Variants in SF3A1 observed in about 807,000 individuals in gnomAD.
The protein encoded by SF3A1 is SAP 114.
A neutral mutation model predicts 89.9 loss-of-function variants in SF3A1; 13 were observed. The observed-to-expected ratio is 0.14, with a 90% confidence interval of 0.09 to 0.23. The LOEUF (loss-of-function observed/expected upper bound fraction) is 0.23. SF3A1 is among the 10% of genes least tolerant of loss of function. The pLI, the probability that SF3A1 is intolerant of heterozygous loss-of-function variation, is 1.00. For missense variants in SF3A1, 604 were observed against 1,022.1 expected (o/e 0.59, Z 5.58); for synonymous variants, 405 against 374.4 (o/e 1.08, Z -0.94).
At position 30,345,224 on chromosome 22, in the gene SF3A1, C is replaced by A. The variant is rs772480228; in HGVS notation, c.394-34G>T. On this transcript the variant is annotated intron_variant, in intron 3 of 15. Transcript: ENST00000215793. ...CAAAGGGAGTATGAGGCGAGAGGCA[C>A]AGGGGTGAACAGGCTCCAGGGGAGG... 4.4e-6 allele frequency: 7 copies of A among 1,590,576 alleles called. No individual in the cohort carries two copies. The African/African-American group carries it at 8.1e-5, about 18-fold the overall frequency.
chr22:30,356,581 G>A, intron 1 of SF3A1, 149 bp downstream of exon 1: 1 of 584,120 alleles, frequency 1.7e-6, no homozygotes, highest in East Asian at 3.5e-5. Context: ...TTCGCTACCA[G>A]AACACCACCA....
chr22:30,341,847 C>G lies in SF3A1; in HGVS notation c.916G>C (p.Ala306Pro). The G allele has an allele frequency of 6.2e-7, 1 of 1,613,668 alleles. No homozygotes were observed. The highest frequency in any genetic ancestry group is 2.2e-5 in the East Asian group (1 of 44,874). The part of the protein sequence containing the change: ...PPPTTPEELG[A>P]RILIQERYEK... ...TAGCGCTCCTGAATGAGGATTCGGG[C>G]CCCCAGCTCCTCTGGCGTGGTGGGG... The change falls in exon 7 of 16, where the codon GCC (alanine) becomes CCC (proline). Residue 306 changes from alanine to proline, a missense_variant. Transcript: ENST00000215793.
chr22:30,352,701 C>G (rs1039395204), intron 2 of SF3A1: 2 of 369,106 alleles, frequency 5.4e-6, no homozygotes, highest in Middle Eastern at 1.6e-3. Flanking sequence ...CCAGGCATTT[C>G]CTCAGGCCAG....
At chr22:30,337,568 C>T in intron 12 of SF3A1, 122 bp downstream of exon 12, 2 of 715,212 alleles carry the variant, frequency 2.8e-6, no homozygotes, top group Non-Finnish European at 5.1e-6. Flanking sequence ...AGCCAGGGCT[C>T]TCCTCTGGGC....
chr22:30,348,008 A>AT (rs560386713), intron 2 of SF3A1, among the ~76,000 whole-genome samples: 16 of 150,500 alleles, frequency 1.1e-4, no homozygotes, highest in Admixed American at 2.6e-4. Flanking sequence ...TGCTCGGCTA[A>AT]TTTTTTTTTT....
chr22:30,353,053 G>A lies in SF3A1; in HGVS notation c.83C>T (p.Ser28Phe), dbSNP rs1401604111. 9 of 1,614,118 alleles carry A rather than the reference G, an allele frequency of 5.6e-6. No homozygotes were observed. Among genetic ancestry groups the A allele is most frequent in the Non-Finnish European group, 7.6e-6 (9 of 1,179,982 alleles). Residue 28 changes from serine to phenylalanine, a missense_variant, in exon 2 of 16, where the codon TCT becomes TTT. Around this residue, in one of 9 missense-constraint regions of SF3A1, gnomAD observed 55 missense variants for 43.8 expected, o/e 1.25. Coordinates refer to ENST00000215793, the MANE Select transcript of SF3A1 (RefSeq NM_005877.6). ...AGAAGGTGCAGAATCCTCCTTTGAA[G>A]ATGCTTCTTCTTCTGTGGGCTGTGC... ...EPKQPTEEEASSKEDSAPSKP... is the reference protein window; with the variant it reads ...EPKQPTEEEAFSKEDSAPSKP...
chr22:30,347,684 A>G (rs1931461146), intron 2 of SF3A1, among the ~76,000 whole-genome samples: 1 of 152,244 alleles, frequency 6.6e-6, no homozygotes, highest in Non-Finnish European at 1.5e-5. Context: ...CGGACCTTAA[A>G]GACACAAGAT....
In SF3A1 at chr22:30,345,260, G is replaced by C. The variant is rs1026650237; in HGVS notation, c.394-70C>G. On this transcript the variant is annotated intron_variant, in intron 3 of 15. Coordinates refer to ENST00000215793, the MANE Select transcript of SF3A1 (RefSeq NM_005877.6). ...AGGCTCCAGGGGAGGGGAGGGGAGG[G>C]GACATGGGCATGCACCCCTCAGCAG... 3.9e-5 allele frequency: 47 copies of C among 1,193,670 alleles called. 1 individual carries two copies. In the African/African-American group the frequency reaches 5.1e-4, roughly 13 times the overall value. The allele number at this position is 1,193,670 out of a possible 1,614,324, so 73.9% of individuals were successfully genotyped here.
chr22:30,346,631 C>G, intron 2 of SF3A1, 112 bp from the exon 3 acceptor site: 1 of 1,229,626 alleles, frequency 8.1e-7, no homozygotes, highest in Non-Finnish European at 1.2e-6. Context: ...TCAAACCAGC[C>G]CATCCCTCAG....
Position 30,342,746 on chromosome 22 carries a change from C to T in SF3A1, c.726+59G>A. On this transcript the variant is annotated intron_variant, in intron 5 of 15. Transcript: ENST00000215793. ...AAGGTCCTGCCTCAGAGACTGTTTT[C>T]AGACATAAAACAGAACCAACCACCA... The T allele has an allele frequency of 4.5e-6, 5 of 1,104,778 alleles. No homozygotes were observed. The South Asian group carries it at 6.2e-5, about 14-fold the overall frequency. 68.4% of individuals were successfully genotyped at this position (1,104,778 alleles called of 1,614,324 possible).
intron 1 of SF3A1, among the ~76,000 whole-genome samples, chr22:30,353,321 G>T (rs1931657481): frequency 6.6e-6 from 1 of 152,158 alleles, no homozygotes; most frequent in Admixed American, 6.5e-5. Flanking sequence ...GTGAGACCAG[G>T]AATCTGCATT....
At chr22:30,334,767 T>C in intron 15 of SF3A1, 72 bp from the exon 16 acceptor site, 1 of 1,083,910 alleles carries the variant, frequency 9.2e-7, no homozygotes. Flanking sequence ...CTTACAACTG[T>C]GCACTTGGTC....
chr22:30,347,726 G>A (rs1017864884), intron 2 of SF3A1, among the ~76,000 whole-genome samples: 2 of 152,214 alleles, frequency 1.3e-5, no homozygotes, highest in African/African-American at 2.4e-5. Context: ...GTTCACTGCT[G>A]ACTCACTCTG....
chr22:30,340,467 TCAAGG>T, intron 8 of SF3A1, 86 bp from the exon 9 acceptor site: 2 of 1,342,540 alleles, frequency 1.5e-6, no homozygotes, highest in Non-Finnish European at 2.1e-6. Flanking sequence ...GCATCATTCA[TCAAGG>T]CATCTATTCA....
chr22:30,344,265 GT>G (rs1315868627), intron 4 of SF3A1, among the ~76,000 whole-genome samples: 1 of 152,172 alleles, frequency 6.6e-6, no homozygotes, highest in African/African-American at 2.4e-5. Flanking sequence ...CATAGCAATA[GT>G]GGCTACCTTA....
chr22:30,340,491 C>A, intron 8 of SF3A1, 110 bp from the exon 9 acceptor site: 1 of 1,146,420 alleles, frequency 8.7e-7, no homozygotes. Context: ...CAGTGCCACT[C>A]TTGTACCTGG....
At chr22:30,338,115 G>A (rs1569170344) in intron 11 of SF3A1, among the ~76,000 whole-genome samples, 1 of 152,074 alleles carries the variant, frequency 6.6e-6, no homozygotes, top group East Asian at 1.9e-4. Context: ...GGACTTGGCG[G>A]GTCAAACTCG....
chr22:30,341,518 G>A (rs1053470918), intron 7 of SF3A1, among the ~76,000 whole-genome samples, 174 bp downstream of exon 7: 5 of 98,474 alleles, frequency 5.1e-5, no homozygotes, highest in African/African-American at 1.7e-4. Flanking sequence ...CTTTGTTGCC[G>A]GAGCTGGAAA....
intron 9 of SF3A1, among the ~76,000 whole-genome samples, chr22:30,339,782 G>A (rs1399088228): frequency 6.6e-6 from 1 of 152,166 alleles, no homozygotes; most frequent in Non-Finnish European, 1.5e-5. Flanking sequence ...AAATAAATAA[G>A]ATGGTGAGTT....
Sources: allele counts gnomAD v4.1 joint callset (sites outside exome capture counted in the v4.1 genomes callset), GRCh38; gene constraint gnomAD v4.1.1; regional missense constraint gnomAD v4.1.1; transcripts MANE v1.5; gene names NCBI Gene and HGNC (gene_info 2026-07-23, HGNC 2026-07-21).